CELF4: variants seen among roughly 807,000 people sequenced by gnomAD.
The protein encoded by CELF4 is CUGBP Elav-like family member 4.
CELF4 carries 18 observed loss-of-function variants against 59.9 expected under a neutral mutation model. The observed-to-expected ratio is 0.30, with a 90% CI of 0.21 to 0.45. The LOEUF (loss-of-function observed/expected upper bound fraction) is 0.45, where lower values mean the gene tolerates loss of function less well. Among genes scored for constraint, CELF4 ranks in the 20% least tolerant of loss-of-function variants. The pLI is 1.00. For synonymous variants in CELF4, 261 were observed against 267.1 expected (o/e 0.98, Z 0.22); for missense variants, 456 against 689.0 (o/e 0.66, Z 3.79).
At chr18:37,511,392 T>C (rs2154604312) in intron 1 of CELF4, among the ~76,000 whole-genome samples, 1 of 152,214 alleles carries the variant, frequency 6.6e-6, no homozygotes, top group Non-Finnish European at 1.5e-5. Context: ...CTCTAGCCCA[T>C]CAAGGTCAGC....
intron 1 of CELF4, among the ~76,000 whole-genome samples, chr18:37,489,605 A>AG (rs1248801399): frequency 6.6e-6 from 1 of 152,050 alleles, no homozygotes; most frequent in South Asian, 2.1e-4. Context: ...TCCAGCTGAA[A>AG]GGGGGGAAGG....
At chr18:37,498,192 G>T (rs1357538816) in intron 1 of CELF4, among the ~76,000 whole-genome samples, 1 of 152,252 alleles carries the variant, frequency 6.6e-6, no homozygotes, top group East Asian at 1.9e-4. Context: ...GTTTAGAAGG[G>T]CTGGAGCCTG....
intron 1 of CELF4, among the ~76,000 whole-genome samples, chr18:37,497,093 G>A (rs2099926065): frequency 6.6e-6 from 1 of 152,146 alleles, no homozygotes; most frequent in Non-Finnish European, 1.5e-5. Flanking sequence ...TGGGGAGCCT[G>A]GCCTATGGGG....
chr18:37,564,478 C>A (rs2099987533), intron 1 of CELF4, among the ~76,000 whole-genome samples: 3 of 152,182 alleles, frequency 2.0e-5, no homozygotes. Flanking sequence ...CTGTCTCCCC[C>A]TCCCCCAAGC....
intron 3 of CELF4, among the ~76,000 whole-genome samples, chr18:37,302,895 A>T (rs534123631): frequency 6.6e-6 from 1 of 152,132 alleles, no homozygotes; most frequent in Admixed American, 6.5e-5. Flanking sequence ...AGCAGCCAGG[A>T]GCACAGGCTG....
chr18:37,342,477 G>A (rs571905103), intron 2 of CELF4, among the ~76,000 whole-genome samples: 13 of 152,180 alleles, frequency 8.5e-5, no homozygotes, highest in Non-Finnish European at 1.9e-4. Context: ...CTGCCTCGGA[G>A]GGTGAGAGGC....
At chr18:37,470,877 T>TGAGAGA (rs1569569550) in intron 2 of CELF4, among the ~76,000 whole-genome samples, 2 of 96,996 alleles carry the variant, frequency 2.1e-5, no homozygotes, top group African/African-American at 4.1e-5. Flanking sequence ...TGTGTGTGTG[T>TGAGAGA]GTGTGTGTGT....
chr18:37,494,616 AGGCTCGGGATG>A (rs1362005112), intron 1 of CELF4, among the ~76,000 whole-genome samples: 3 of 152,180 alleles, frequency 2.0e-5, no homozygotes, highest in Non-Finnish European at 4.4e-5. Flanking sequence ...ACCTCAGCAT[AGGCTCGGGATG>A]GGGTGCGTAT....
intron 2 of CELF4, among the ~76,000 whole-genome samples, chr18:37,479,562 G>T (rs185459153): frequency 3.9e-4 from 59 of 152,274 alleles, no homozygotes; most frequent in Admixed American, 1.0e-3. Context: ...TCTTTTCAGG[G>T]AATATGAGAA....
intron 2 of CELF4, among the ~76,000 whole-genome samples, chr18:37,358,898 T>G (rs2098652518): frequency 6.6e-6 from 1 of 152,096 alleles, no homozygotes; most frequent in Admixed American, 6.5e-5. Flanking sequence ...GGTCAGGAGT[T>G]CGAGACCAGC....
chr18:37,333,172 G>C (rs1484153450), intron 2 of CELF4, among the ~76,000 whole-genome samples: 1 of 152,104 alleles, frequency 6.6e-6, no homozygotes, highest in Non-Finnish European at 1.5e-5. Context: ...TACAAGGCGG[G>C]GCTGTTAACT....
rs201643599 is a variant in CELF4, at chr18:37,275,312, A to T, written c.449-69T>A. On this transcript the variant is annotated intron_variant, in intron 3 of 12. Transcript: ENST00000420428. ...CTGCGCGGGAGCAGGGCAAGGCCGG[A>T]GGGGGAGAGCGGCAGGGAAAGGGAG... is the stretch of plus-strand genomic sequence containing the variant. 7.5e-4 allele frequency: 902 copies of T among 1,204,770 alleles called. 12 individuals are homozygous for T. In the East Asian group the frequency reaches 0.048, roughly 65 times the overall value. 74.6% of individuals were successfully genotyped at this position (1,204,770 alleles called of 1,614,324 possible).
intron 1 of CELF4, among the ~76,000 whole-genome samples, chr18:37,559,284 C>T (rs2099985828): frequency 6.6e-6 from 1 of 152,116 alleles, no homozygotes; most frequent in African/African-American, 2.4e-5. Flanking sequence ...TTGCATCTGT[C>T]ATCTCTTCCC....
At chr18:37,447,934 C>T (rs1031853445) in intron 2 of CELF4, among the ~76,000 whole-genome samples, 12 of 152,190 alleles carry the variant, frequency 7.9e-5, no homozygotes, top group African/African-American at 1.2e-4. Context: ...ACCTCTCCTC[C>T]GGGGCCATCC....
intron 1 of CELF4, among the ~76,000 whole-genome samples, chr18:37,512,752 C>A (rs1482161515): frequency 6.6e-6 from 1 of 151,656 alleles, no homozygotes; most frequent in Non-Finnish European, 1.5e-5. Flanking sequence ...TTCCCTCCTG[C>A]TTTCTCTTTT....
At chr18:37,337,789 T>C (rs1425761060) in intron 2 of CELF4, among the ~76,000 whole-genome samples, 1 of 152,212 alleles carries the variant, frequency 6.6e-6, no homozygotes, top group Non-Finnish European at 1.5e-5. Flanking sequence ...TCTACCTACT[T>C]CCACCTCTAT....
chr18:37,486,923 C>T (rs1463910223), intron 1 of CELF4, among the ~76,000 whole-genome samples: 2 of 152,258 alleles, frequency 1.3e-5, no homozygotes, highest in Non-Finnish European at 2.9e-5. Context: ...CTACCTACTC[C>T]AGGCAGCCCT....
At chr18:37,484,288 T>TG (rs1381766674) in intron 2 of CELF4, among the ~76,000 whole-genome samples, 2 of 152,190 alleles carry the variant, frequency 1.3e-5, no homozygotes, top group Non-Finnish European at 2.9e-5. Context: ...ACACATAACA[T>TG]GGGGCGATGT....
At chr18:37,353,851 G>A (rs2154556049) in intron 2 of CELF4, among the ~76,000 whole-genome samples, 1 of 151,490 alleles carries the variant, frequency 6.6e-6, no homozygotes, top group Middle Eastern at 3.4e-3. Flanking sequence ...CCACCTCCTG[G>A]GTTCCCGCCA....
Sources: allele counts gnomAD v4.1 joint callset (sites outside exome capture counted in the v4.1 genomes callset), GRCh38; gene constraint gnomAD v4.1.1; transcripts MANE v1.5; gene names NCBI Gene and HGNC (gene_info 2026-07-23, HGNC 2026-07-21).